STIM2: variants seen among roughly 807,000 people sequenced by gnomAD.
STIM2 encodes the protein stromal interaction molecule 2.
A neutral mutation model predicts 85.8 loss-of-function variants in STIM2; 31 were observed. The observed-to-expected ratio is 0.36, with a 90% CI of 0.27 to 0.49. The LOEUF is 0.49. STIM2 is among the 20% of genes least tolerant of loss of function. The pLI, the probability that STIM2 is intolerant of heterozygous loss-of-function variation, is 0.98. For synonymous variants in STIM2, 356 were observed against 331.1 expected, an observed-to-expected ratio of 1.08 and a Z score of -0.82; for missense variants, 841 against 927.6, an observed-to-expected ratio of 0.91 and a Z score of 1.21.
intron 3 of STIM2, among the ~76,000 whole-genome samples, chr4:26,988,698 C>G (rs763304134): frequency 3.3e-5 from 5 of 152,160 alleles, no homozygotes; most frequent in Non-Finnish European, 5.9e-5. Context: ...ATAAAAGTGT[C>G]TACTTAAAAG....
At chr4:26,963,015 GTTTA>G (rs1299648641) in intron 3 of STIM2, among the ~76,000 whole-genome samples, 1 of 152,168 alleles carries the variant, frequency 6.6e-6, no homozygotes, top group Non-Finnish European at 1.5e-5. Flanking sequence ...TTAAGATAAT[GTTTA>G]TTTATTTAAG....
intron 3 of STIM2, among the ~76,000 whole-genome samples, chr4:26,990,050 A>G (rs1315290480): frequency 1.3e-5 from 2 of 152,172 alleles, no homozygotes; most frequent in Non-Finnish European, 1.5e-5. Context: ...TACAGATTTA[A>G]TACAATCCCT....
rs757441641 is a variant in STIM2, at chr4:27,022,621, G to A, written c.1866G>A (p.Pro622=). Reference sequence around the variant, plus strand: ...TCGAGATATACCAAACATTATCTCCGCGAAAGATATCAAGAGATGAGGTGT... The same window carrying A: ...TCGAGATATACCAAACATTATCTCCACGAAAGATATCAAGAGATGAGGTGT... Residue 622 remains proline (P), a synonymous_variant, in exon 12 of 12, where the codon CCG becomes CCA. Coordinates refer to ENST00000467087, the MANE Select transcript of STIM2 (RefSeq NM_020860.4). 45 of 1,613,996 alleles carry A rather than the reference G, an allele frequency of 2.8e-5. No homozygotes were observed. Among genetic ancestry groups the A allele is most frequent in the Admixed American group, 1.3e-4 (8 of 59,988 alleles).
chr4:26,897,498 CAA>C (rs1280771163), intron 1 of STIM2, among the ~76,000 whole-genome samples: 2 of 152,074 alleles, frequency 1.3e-5, no homozygotes, highest in African/African-American at 4.8e-5. Flanking sequence ...CAGGTAAATA[CAA>C]AAGACACAGT....
At chr4:26,933,733 C>CAAAAAAAAAA (rs771503772) in intron 2 of STIM2, among the ~76,000 whole-genome samples, 22 of 47,694 alleles carry the variant, frequency 4.6e-4, no homozygotes, top group Non-Finnish European at 6.7e-4. Context: ...GACCTGATCT[C>CAAAAAAAAAA]AAAAAAAAAA....
At position 27,007,637 on chromosome 4, in the gene STIM2, A is replaced by C; in HGVS notation, c.1086A>C (p.Glu362Asp). The stretch of plus-strand genomic sequence containing the variant: ...GGCTTCAGTTAACACATGAAGTAGA[A>C]GTGCAATACTACAATATTAAAAGAC... The change falls in exon 8 of 12, where the codon GAA (glutamate) becomes GAC (aspartate). Residue 362 changes from glutamate (E) to aspartate (D), a missense_variant. Physicochemically the swap from Glu to Asp is conservative, Grantham distance 45. Transcript: ENST00000467087. The C allele has an allele frequency of 6.2e-7, 1 of 1,607,348 alleles. No homozygotes were observed. Among genetic ancestry groups the C allele is most frequent in the Non-Finnish European group, 8.5e-7 (1 of 1,177,456 alleles).
At chr4:26,969,368 T>C (rs1481387962) in intron 3 of STIM2, among the ~76,000 whole-genome samples, 1 of 152,198 alleles carries the variant, frequency 6.6e-6, no homozygotes, top group Non-Finnish European at 1.5e-5. Flanking sequence ...TTTGTTTGGT[T>C]TCTGAATTAT....
At chr4:26,898,707 A>C (rs1373621883) in intron 1 of STIM2, among the ~76,000 whole-genome samples, 1 of 152,158 alleles carries the variant, frequency 6.6e-6, no homozygotes, top group Non-Finnish European at 1.5e-5. Context: ...TAATAAGTTG[A>C]TATCCTTGCA....
At chr4:26,992,824 C>T (rs1225290849) in intron 3 of STIM2, among the ~76,000 whole-genome samples, 1 of 152,080 alleles carries the variant, frequency 6.6e-6, no homozygotes, top group African/African-American at 2.4e-5. Flanking sequence ...AAGGAAACCA[C>T]AGCAAAAGGA....
chr4:26,890,591 G>A (rs563067091), intron 1 of STIM2, among the ~76,000 whole-genome samples: 4 of 152,176 alleles, frequency 2.6e-5, no homozygotes, highest in African/African-American at 9.6e-5. Flanking sequence ...TTGGGAGGCC[G>A]AGGCGGGTGG....
intron 1 of STIM2, among the ~76,000 whole-genome samples, chr4:26,908,038 G>T (rs961295916): frequency 6.6e-6 from 1 of 152,102 alleles, no homozygotes; most frequent in Non-Finnish European, 1.5e-5. Context: ...AGTTGGAAAT[G>T]TTTCCACTTA....
Position 27,017,860 on chromosome 4 carries a change from C to G in STIM2, c.1639C>G (p.Pro547Ala). 1 of 1,614,138 alleles carries G rather than the reference C, an allele frequency of 6.2e-7. No individual in the cohort carries two copies. The highest frequency in any genetic ancestry group is 2.2e-5 in the East Asian group (1 of 44,872). ...GTCACACCCTCGGCACCCTCACCAC[C>G]CGCAACACACACCACACTCCTTGCC... The change falls in exon 11 of 12, where the codon CCG (proline) becomes GCG (alanine). Residue 547 changes from proline (P) to alanine (A), a missense_variant. Around this residue, in one of 3 missense-constraint regions of STIM2, gnomAD observed 293 missense variants for 284.5 expected, o/e 1.03. Transcript: ENST00000467087.
At chr4:26,884,949 T>A (rs1723159811) in intron 1 of STIM2, among the ~76,000 whole-genome samples, 1 of 152,218 alleles carries the variant, frequency 6.6e-6, no homozygotes, top group Non-Finnish European at 1.5e-5. Context: ...TCTTGAGTAA[T>A]TGAACCTTGA....
rs112845800 is a variant in STIM2, at chr4:27,011,654, G to A, written c.1489+2652G>A. 5.6e-4 allele frequency among the ~76,000 whole-genome samples: 86 copies of A among 152,242 alleles called. 1 individual carries two copies. Among genetic ancestry groups the A allele is most frequent in the African/African-American group, 1.7e-3 (69 of 41,536 alleles). On this transcript the variant is annotated intron_variant, in intron 10 of 11. Transcript: ENST00000467087. The stretch of plus-strand genomic sequence containing the variant: ...TTTACTTGTTTTGCAACTCGAATGC[G>A]TATGAAATGATACCTCACAATTATG...
intron 1 of STIM2, among the ~76,000 whole-genome samples, chr4:26,871,913 A>G (rs988010736): frequency 6.6e-6 from 1 of 152,224 alleles, no homozygotes; most frequent in Admixed American, 6.5e-5. Flanking sequence ...CTGAGTTTGA[A>G]TCCCAGTCTG....
At chr4:26,905,689 A>G (rs1183453107) in intron 1 of STIM2, among the ~76,000 whole-genome samples, 1 of 152,234 alleles carries the variant, frequency 6.6e-6, no homozygotes, top group Non-Finnish European at 1.5e-5. Context: ...TAAATCGGCT[A>G]AATCCATGGC....
intron 3 of STIM2, among the ~76,000 whole-genome samples, chr4:26,970,405 C>G (rs908013238): frequency 1.3e-5 from 2 of 151,888 alleles, no homozygotes; most frequent in Non-Finnish European, 2.9e-5. Flanking sequence ...GCCCCCTACC[C>G]CCTCACAGGC....
At chr4:26,867,279 C>T (rs1268723481) in intron 1 of STIM2, among the ~76,000 whole-genome samples, 4 of 152,010 alleles carry the variant, frequency 2.6e-5, no homozygotes, top group African/African-American at 9.7e-5. Flanking sequence ...CAAGAAGAAA[C>T]ACACTATTTG....
chr4:27,023,062 C>T lies in STIM2; in HGVS notation c.*66C>T, dbSNP rs568265845. 2 of 1,453,776 alleles carry T rather than the reference C, an allele frequency of 1.4e-6. No homozygotes were observed. Among genetic ancestry groups the T allele is most frequent in the East Asian group, 2.3e-5 (1 of 44,044 alleles). 90.1% of individuals were successfully genotyped at this position (1,453,776 alleles called of 1,614,324 possible). A position where few individuals can be genotyped will look rare whatever the true frequency, so the allele number is the denominator to read the frequency against. On this transcript the variant is annotated 3_prime_UTR_variant, in exon 12 of 12. Transcript: ENST00000467087. ...AAACTATTATCCCCCACCCTCCACTCCCCACCTTTTTTTTGGTTTAATTTT... is the reference window on the plus strand; with the variant it reads ...AAACTATTATCCCCCACCCTCCACTTCCCACCTTTTTTTTGGTTTAATTTT...
Sources: allele counts gnomAD v4.1 joint callset (sites outside exome capture counted in the v4.1 genomes callset), GRCh38; gene constraint gnomAD v4.1.1; regional missense constraint gnomAD v4.1.1; transcripts MANE v1.5; gene names NCBI Gene and HGNC (gene_info 2026-07-23, HGNC 2026-07-21).